EYS: variants seen among roughly 807,000 people sequenced by gnomAD.
The protein encoded by EYS is EGF-like photoreceptor maintenance factor.
A neutral mutation model predicts 282.1 loss-of-function variants in EYS; 250 were observed. The ratio of observed to expected loss-of-function variants is 0.89; its 90% confidence interval spans 0.80 to 0.98. EYS has a LOEUF of 0.98. Among genes scored for constraint, EYS ranks in the 50% least tolerant of loss-of-function variants. EYS has a pLI of 0.00. For synonymous variants in EYS, 1,355 were observed against 1,282.9 expected (o/e 1.06, Z -1.20); for missense variants, 4,016 against 3,709.0 (o/e 1.08, Z -2.15).
intron 22 of EYS, among the ~76,000 whole-genome samples, chr6:64,654,194 G>A (rs1433300992): frequency 6.6e-6 from 1 of 151,996 alleles, no homozygotes; most frequent in African/African-American, 2.4e-5. Context: ...ATAACTAATG[G>A]GAGATTAATA....
chr6:64,237,083 TTTACTC>T (rs1252883795), intron 30 of EYS, among the ~76,000 whole-genome samples: 23 of 152,152 alleles, frequency 1.5e-4, no homozygotes, highest in Admixed American at 1.4e-3. Context: ...AGTAACAACT[TTTACTC>T]TACTTATACC....
In EYS at chr6:65,527,977, T is replaced by C. The variant is rs11962867; in HGVS notation, c.-332-31984A>G. On this transcript the variant is annotated intron_variant, in intron 2 of 42. Coordinates refer to ENST00000503581, the MANE Select transcript of EYS (RefSeq NM_001142800.2). ...GATTCACTGGTTGTGCCATGTGAAA[T>C]AGCCTAGGATCAGTTTTTAAAAACT... Among the ~76,000 whole-genome samples, 1,170 of 152,308 alleles carry C rather than the reference T, an allele frequency of 7.7e-3. 18 individuals carry two copies. Among genetic ancestry groups the C allele is most frequent in the African/African-American group, 0.025 (1,048 of 41,562 alleles).
At chr6:63,939,601 A>G (rs1765172564) in intron 35 of EYS, among the ~76,000 whole-genome samples, 1 of 152,136 alleles carries the variant, frequency 6.6e-6, no homozygotes, top group Admixed American at 6.5e-5. Flanking sequence ...TTTTAACTAC[A>G]TGGGTTCACT....
chr6:65,157,371 A>G (rs1265608902), intron 12 of EYS, among the ~76,000 whole-genome samples: 1 of 150,844 alleles, frequency 6.6e-6, no homozygotes, highest in African/African-American at 2.4e-5. Flanking sequence ...TCAAATCTAT[A>G]GAGTTTAATT....
intron 5 of EYS, among the ~76,000 whole-genome samples, chr6:65,405,697 G>A (rs1407162864): frequency 6.6e-6 from 1 of 151,838 alleles, no homozygotes; most frequent in Non-Finnish European, 1.5e-5. Context: ...TGGAGTATTT[G>A]GTCTTTTGCG....
chr6:65,601,431 T>G (rs765183179), intron 2 of EYS, among the ~76,000 whole-genome samples: 20 of 151,878 alleles, frequency 1.3e-4, no homozygotes, highest in Non-Finnish European at 2.4e-4. Flanking sequence ...TTATGCTTTT[T>G]TTTCCCCCAC....
At chr6:65,143,463 C>A (rs1352644599) in intron 12 of EYS, among the ~76,000 whole-genome samples, 1 of 151,490 alleles carries the variant, frequency 6.6e-6, no homozygotes, top group Admixed American at 6.6e-5. Context: ...CAATAATATT[C>A]AAGTTGAAAA....
intron 33 of EYS, among the ~76,000 whole-genome samples, chr6:64,051,261 C>G (rs148344678): frequency 6.6e-6 from 1 of 152,086 alleles, no homozygotes; most frequent in Non-Finnish European, 1.5e-5. Context: ...AAACATTAGT[C>G]CTGCTTGCAT....
intron 18 of EYS, among the ~76,000 whole-genome samples, chr6:64,896,473 A>G (rs1767470019): frequency 1.3e-5 from 2 of 152,140 alleles, no homozygotes; most frequent in African/African-American, 4.8e-5. Flanking sequence ...CCTACACCAC[A>G]AGGGCACTGG....
At chr6:64,233,805 G>A (rs1231459889) in intron 30 of EYS, among the ~76,000 whole-genome samples, 2 of 152,136 alleles carry the variant, frequency 1.3e-5, no homozygotes, top group East Asian at 3.9e-4. Flanking sequence ...ACCTTGATAG[G>A]ACAGCAATTT....
chr6:65,221,124 T>C (rs1374287802), intron 12 of EYS, among the ~76,000 whole-genome samples: 1 of 152,190 alleles, frequency 6.6e-6, no homozygotes, highest in African/African-American at 2.4e-5. Context: ...AAGTAGAGCA[T>C]AAAAGTTCAT....
intron 28 of EYS, among the ~76,000 whole-genome samples, chr6:64,405,008 G>T (rs1417034464): frequency 1.3e-5 from 2 of 151,762 alleles, no homozygotes; most frequent in Non-Finnish European, 1.5e-5. Flanking sequence ...AAAGTTCTGG[G>T]GTACCTGTGC....
At chr6:65,484,149 A>AC (rs34470835) in intron 5 of EYS, among the ~76,000 whole-genome samples, 1 of 150,050 alleles carries the variant, frequency 6.7e-6, no homozygotes, top group African/African-American at 2.4e-5. Context: ...AAAAAAAAAA[A>AC]CCCTATTATA....
chr6:64,412,543 T>C (rs1773937119), intron 28 of EYS: 1 of 152,124 alleles, frequency 6.6e-6, no homozygotes. Context: ...ATGCTGAGGA[T>C]GTTAATAATG....
chr6:65,433,418 T>G (rs438633), intron 5 of EYS, among the ~76,000 whole-genome samples: 2 of 151,686 alleles, frequency 1.3e-5, no homozygotes, highest in African/African-American at 2.4e-5. Flanking sequence ...GTACATGATT[T>G]AAAAAAAACA....
chr6:65,219,323 C>T (rs1325257630), intron 12 of EYS, among the ~76,000 whole-genome samples: 1 of 151,984 alleles, frequency 6.6e-6, no homozygotes, highest in Non-Finnish European at 1.5e-5. Context: ...TGTTGATTTT[C>T]AGTAGAGGAA....
intron 26 of EYS, among the ~76,000 whole-genome samples, chr6:64,485,726 A>G (rs1436845573): frequency 6.6e-6 from 1 of 151,554 alleles, no homozygotes; most frequent in Non-Finnish European, 1.5e-5. Context: ...TCATATACTC[A>G]GTTGAGGATG....
At chr6:65,687,741 A>C (rs958744709) in intron 1 of EYS, among the ~76,000 whole-genome samples, 1 of 152,306 alleles carries the variant, frequency 6.6e-6, no homozygotes. Flanking sequence ...AAGTCTCAGG[A>C]TACAAAATCA....
At chr6:64,486,614 A>G (rs1323648733) in intron 26 of EYS, among the ~76,000 whole-genome samples, 2 of 151,528 alleles carry the variant, frequency 1.3e-5, no homozygotes, top group East Asian at 3.9e-4. Flanking sequence ...AAAAATATAA[A>G]CTTCAATTAG....
Sources: allele counts gnomAD v4.1 joint callset (sites outside exome capture counted in the v4.1 genomes callset), GRCh38; gene constraint gnomAD v4.1.1; transcripts MANE v1.5; gene names NCBI Gene and HGNC (gene_info 2026-07-23, HGNC 2026-07-21).